The following ATP23 variants were observed in gnomAD, a reference collection of about 807,000 sequenced individuals.
ATP23 encodes the protein ATP23 metallopeptidase and ATP synthase assembly factor homolog.
A neutral mutation model predicts 28.5 loss-of-function variants in ATP23; 24 were observed. That is an observed-to-expected ratio of 0.84 (90% CI 0.61 to 1.18). ATP23 has a LOEUF of 1.18. Among genes scored for constraint, ATP23 ranks in the 50% most tolerant of loss-of-function variants. The pLI, the probability that ATP23 is intolerant of heterozygous loss-of-function variation, is 0.00. For synonymous variants in ATP23, 99 were observed against 108.6 expected (o/e 0.91, Z 0.55); for missense variants, 274 against 306.4 (o/e 0.89, Z 0.79).
Position 57,956,691 on chromosome 12 carries a change from G to T in ATP23, c.542G>T (p.Cys181Phe). 6.3e-7 allele frequency: 1 copy of T among 1,595,822 alleles called. No homozygotes were observed. The highest frequency in any genetic ancestry group is 8.5e-7 in the Non-Finnish European group (1 of 1,172,038). Reference protein sequence around the residue: ...HFGLKQHHQTCVRDRATLSIL... With the variant: ...HFGLKQHHQTFVRDRATLSIL... ...CATACTTTTCCTTCTTTTTAGACTTGTGTGCGAGACAGAGCCACTCTTTCT... is the reference window on the plus strand; with the variant it reads ...CATACTTTTCCTTCTTTTTAGACTTTTGTGCGAGACAGAGCCACTCTTTCT... The change falls in exon 6 of 6, where the codon TGT (cysteine) becomes TTT (phenylalanine). Residue 181 changes from cysteine (C) to phenylalanine (F), a missense_variant. Transcript: ENST00000300145.
Position 57,956,950 on chromosome 12 carries a change from T to A in ATP23, c.*60T>A. The stretch of plus-strand genomic sequence containing the variant: ...CATCATGAAGAAAAAAAAATTTGGT[T>A]CTCAAGTGAACAAACATATAAAATG... On this transcript the variant is annotated 3_prime_UTR_variant, in exon 6 of 6. Transcript: ENST00000300145. 1.4e-6 allele frequency: 2 copies of A among 1,421,662 alleles called. No individual in the cohort carries two copies. The highest frequency in any genetic ancestry group is 1.9e-6 in the Non-Finnish European group (2 of 1,055,610). The allele number at this position is 1,421,662 out of a possible 1,614,324, so 88.1% of individuals were successfully genotyped here.
Position 57,945,416 on chromosome 12 carries a change from A to G in ATP23, c.188-212A>G, listed in dbSNP as rs1330285150. On this transcript the variant is annotated intron_variant, in intron 1 of 5. Coordinates refer to ENST00000300145, the MANE Select transcript of ATP23 (RefSeq NM_033276.4). The stretch of plus-strand genomic sequence containing the variant: ...CCCAGCTAATTTTTGTATTTTTAGT[A>G]GAGACGGGGTTTGCCATGTTGGTCA... 2.0e-5 allele frequency among the ~76,000 whole-genome samples: 3 copies of G among 152,008 alleles called. No homozygotes were observed. The East Asian group carries it at 5.8e-4, about 29-fold the overall frequency.
intron 3 of ATP23, 140 bp downstream of exon 3, chr12:57,947,216 G>A (rs1321305809): frequency 1.4e-6 from 1 of 719,344 alleles, no homozygotes; most frequent in East Asian, 2.7e-5. Context: ...TTACTCTAAG[G>A]AGTTTACTCT....
In ATP23 at chr12:57,950,662, C is replaced by A. The variant is rs189348514; in HGVS notation, c.316-1096C>A. On this transcript the variant is annotated intron_variant, in intron 3 of 5. Coordinates refer to ENST00000300145, the MANE Select transcript of ATP23 (RefSeq NM_033276.4). ...ACCTCAGCCTTCCAAGTAGCTGGGA[C>A]TATAGGCATGTGCCACCATGCCTGG... Among the ~76,000 whole-genome samples, 552 of 151,872 alleles carry A rather than the reference C, an allele frequency of 3.6e-3. 3 individuals carry two copies. The highest frequency in any genetic ancestry group is 6.8e-3 in the Middle Eastern group (2 of 294).
rs967692407 is a variant in ATP23 at position 57,957,271 on chromosome 12, C to T, written c.*381C>T. The T allele has an allele frequency of 6.0e-6, 1 of 165,494 alleles. No homozygotes were observed. Among genetic ancestry groups the T allele is most frequent in the Non-Finnish European group, 1.3e-5 (1 of 77,280 alleles). The allele number at this position is 165,494 out of a possible 1,614,324, so 10.3% of individuals were successfully genotyped here. A position where few individuals can be genotyped will look rare whatever the true frequency, so the allele number is the denominator to read the frequency against. The stretch of plus-strand genomic sequence containing the variant: ...TAAATGTAAAGAAATGTGTACTGAT[C>T]TCATTGTAGGATACTTATTGAGCTG... On this transcript the variant is annotated 3_prime_UTR_variant, in exon 6 of 6. Coordinates refer to ENST00000300145, the MANE Select transcript of ATP23 (RefSeq NM_033276.4).
intron 1 of ATP23, among the ~76,000 whole-genome samples, chr12:57,943,205 C>T (rs987306834): frequency 6.6e-6 from 1 of 152,116 alleles, no homozygotes; most frequent in African/African-American, 2.4e-5. Flanking sequence ...TAGCACCCTG[C>T]CTTGAAGGTG....
In ATP23 at chr12:57,941,719, C is replaced by T. The variant is rs561871673; in HGVS notation, c.18C>T (p.Asp6=). ...CGGGAGGCATGGCGGGAGCTCCGGA[C>T]GAGCGCCGGCGGGGCCCCGCGGCAG... MAGAP[D]ERRRGPAAGE... The change falls in exon 1 of 6, where the codon GAC becomes GAT. Residue 6 remains aspartate, a synonymous_variant. Coordinates refer to ENST00000300145, the MANE Select transcript of ATP23 (RefSeq NM_033276.4). 4 of 1,600,748 alleles carry T rather than the reference C, an allele frequency of 2.5e-6. No homozygotes were observed. Among genetic ancestry groups the T allele is most frequent in the Non-Finnish European group, 3.4e-6 (4 of 1,174,740 alleles).
intron 1 of ATP23, among the ~76,000 whole-genome samples, chr12:57,942,526 C>CCGTT (rs1193867049): frequency 2.6e-5 from 4 of 151,884 alleles, no homozygotes; most frequent in Non-Finnish European, 5.9e-5. Flanking sequence ...TGGGTTCACG[C>CCGTT]CGTTCTCCTG....
Position 57,958,358 on chromosome 12 carries a change from C to A in ATP23, c.*1468C>A, listed in dbSNP as rs1956888222. ...GGGAGTTCTAGGGCCCCACTCACCA[C>A]AAGTTCTTCTCCATACTACCACAAC... On this transcript the variant is annotated 3_prime_UTR_variant, in exon 6 of 6. Transcript: ENST00000300145. 2.0e-5 allele frequency among the ~76,000 whole-genome samples: 3 copies of A among 152,174 alleles called. No homozygotes were observed. The highest frequency in any genetic ancestry group is 2.9e-5 in the Non-Finnish European group (2 of 68,030).
chr12:57,954,773 G>C (rs1956849652), intron 5 of ATP23, among the ~76,000 whole-genome samples: 1 of 152,176 alleles, frequency 6.6e-6, no homozygotes, highest in African/African-American at 2.4e-5. Flanking sequence ...ATAGGCTTAG[G>C]ACAACAGGAA....
At chr12:57,954,919 C>T (rs1354866243) in intron 5 of ATP23, among the ~76,000 whole-genome samples, 2 of 151,866 alleles carry the variant, frequency 1.3e-5, no homozygotes, top group African/African-American at 4.8e-5. Flanking sequence ...AGGGTGATTA[C>T]TCTAGACAGT....
Position 57,941,908 on chromosome 12 carries a change from G to A in ATP23, c.187+20G>A. The A allele has an allele frequency of 6.2e-7, 1 of 1,610,670 alleles. No individual in the cohort carries two copies. Among genetic ancestry groups the A allele is most frequent in the East Asian group, 2.2e-5 (1 of 44,664 alleles). On this transcript the variant is annotated intron_variant, in intron 1 of 5. Coordinates refer to ENST00000300145, the MANE Select transcript of ATP23 (RefSeq NM_033276.4). Reference sequence around the variant, plus strand: ...AGACAAGTAGGAGCCATGACCTGGAGGCTGTGGTTCCACAGAATGGGTCTG... The same window carrying A: ...AGACAAGTAGGAGCCATGACCTGGAAGCTGTGGTTCCACAGAATGGGTCTG...
chr12:57,942,287 G>T (rs188944798), intron 1 of ATP23, among the ~76,000 whole-genome samples: 69 of 152,294 alleles, frequency 4.5e-4, no homozygotes, highest in Admixed American at 2.2e-3. Flanking sequence ...GCATACCAAG[G>T]CTGTAAAAAT....
At chr12:57,944,226 T>C (rs571557287) in intron 1 of ATP23, among the ~76,000 whole-genome samples, 152 of 152,322 alleles carry the variant, frequency 1.0e-3, no homozygotes, top group Admixed American at 1.4e-3. Context: ...TGAACACTCT[T>C]GCAAGGGGCA....
At position 57,953,602 on chromosome 12, in the gene ATP23, A is replaced by C. The variant is rs775629523; in HGVS notation, c.454-4A>C. ...TTTCTTTTTATTTGTCTTCTGTGTG[A>C]TAGGTTCGAGCTGCTAACCTTAGTG... On this transcript the variant is annotated splice_polypyrimidine_tract_variant and splice_region_variant and intron_variant, in intron 4 of 5. Coordinates refer to ENST00000300145, the MANE Select transcript of ATP23 (RefSeq NM_033276.4). The C allele has an allele frequency of 1.2e-6, 2 of 1,613,216 alleles. No homozygotes were observed. Among genetic ancestry groups the C allele is most frequent in the Non-Finnish European group, 1.7e-6 (2 of 1,179,572 alleles).
At chr12:57,945,235 TA>T (rs2140528372) in intron 1 of ATP23, among the ~76,000 whole-genome samples, 2 of 148,992 alleles carry the variant, frequency 1.3e-5, no homozygotes, top group East Asian at 3.9e-4. Context: ...AATTTTAAGA[TA>T]ACATTACTTT....
intron 4 of ATP23, 73 bp downstream of exon 4, chr12:57,951,968 G>A (rs1956820602): frequency 1.9e-6 from 3 of 1,568,144 alleles, no homozygotes; most frequent in Admixed American, 1.7e-5. Context: ...TTATTTAAAT[G>A]TATTCCTTTT....
chr12:57,957,438 G>A lies in ATP23; in HGVS notation c.*548G>A, dbSNP rs1956879155. Reference sequence around the variant, plus strand: ...TTAGATCTTTTTCTTTTTAATAAAGGCAGTGCTCGAATTTTAGCTCCAGAT... The same window carrying A: ...TTAGATCTTTTTCTTTTTAATAAAGACAGTGCTCGAATTTTAGCTCCAGAT... On this transcript the variant is annotated 3_prime_UTR_variant, in exon 6 of 6. Transcript: ENST00000300145. Among the ~76,000 whole-genome samples the A allele has an allele frequency of 6.6e-6, 1 of 152,000 alleles. No individual in the cohort carries two copies. Among genetic ancestry groups the A allele is most frequent in the African/African-American group, 2.4e-5 (1 of 41,354 alleles).
At chr12:57,954,000 G>A (rs34142683) in intron 5 of ATP23, among the ~76,000 whole-genome samples, 19,418 of 151,712 alleles carry the variant, frequency 0.13, 2,132 homozygotes, top group African/African-American at 0.3. Flanking sequence ...CGAGACCAGC[G>A]TGGCCAACAT....
Sources: allele counts gnomAD v4.1 joint callset (sites outside exome capture counted in the v4.1 genomes callset), GRCh38; gene constraint gnomAD v4.1.1; transcripts MANE v1.5; gene names NCBI Gene and HGNC (gene_info 2026-07-23, HGNC 2026-07-21).